The following DTX1 variants were observed in gnomAD, a reference collection of about 807,000 sequenced individuals.
DTX1 encodes deltex E3 ubiquitin ligase 1, also known as E3 ubiquitin-protein ligase DTX1.
DTX1 carries 26 observed loss-of-function variants against 57.8 expected under a neutral mutation model. The observed-to-expected ratio is 0.45, with a 90% CI of 0.33 to 0.62. DTX1 has a LOEUF of 0.62. Among genes scored for constraint, DTX1 ranks in the 20% least tolerant of loss-of-function variants. The pLI is 0.02. For synonymous variants in DTX1, 398 were observed against 394.1 expected (o/e 1.01, Z -0.12); for missense variants, 704 against 895.3 (o/e 0.79, Z 2.73).
chr12:113,064,106 AC>A (rs1019498953), intron 2 of DTX1, among the ~76,000 whole-genome samples: 33 of 152,068 alleles, frequency 2.2e-4, no homozygotes, highest in African/African-American at 6.0e-4. Flanking sequence ...AGCCTGCACT[AC>A]CCTGGAGGCC....
At chr12:113,065,366 TG>T (rs1244346183) in intron 2 of DTX1, among the ~76,000 whole-genome samples, 1 of 152,102 alleles carries the variant, frequency 6.6e-6, no homozygotes, top group African/African-American at 2.4e-5. Flanking sequence ...GGTCTGCAGC[TG>T]GGTGCGCACG....
chr12:113,059,519 C>G (rs1263174668), intron 2 of DTX1, among the ~76,000 whole-genome samples: 2 of 152,106 alleles, frequency 1.3e-5, no homozygotes, highest in Admixed American at 1.3e-4. Flanking sequence ...CAGGCCTACT[C>G]TCTTTTGTTC....
intron 2 of DTX1, among the ~76,000 whole-genome samples, chr12:113,064,124 G>A (rs55875448): frequency 0.083 from 12,694 of 152,232 alleles, 584 homozygotes; most frequent in Middle Eastern, 0.1. Flanking sequence ...GGCCTCCAGG[G>A]CTCAGCTCCT....
intron 2 of DTX1, among the ~76,000 whole-genome samples, chr12:113,069,918 A>G (rs554116206): frequency 6.6e-6 from 1 of 152,306 alleles, no homozygotes; most frequent in African/African-American, 2.4e-5. Context: ...AAGGTCACAT[A>G]GCAATCCAGG....
intron 2 of DTX1, among the ~76,000 whole-genome samples, chr12:113,063,247 G>A (rs2044678756): frequency 6.6e-6 from 1 of 152,228 alleles, no homozygotes; most frequent in East Asian, 1.9e-4. Flanking sequence ...GGGTGAGGGG[G>A]TTGGCTGCCA....
chr12:113,073,547 C>T (rs1054599812), intron 2 of DTX1, among the ~76,000 whole-genome samples: 4 of 152,190 alleles, frequency 2.6e-5, no homozygotes, highest in African/African-American at 2.4e-5. Context: ...TCTTCAACCC[C>T]GCCCCTTTCA....
At chr12:113,084,091 A>G (rs1454476755) in intron 3 of DTX1, among the ~76,000 whole-genome samples, 1 of 152,208 alleles carries the variant, frequency 6.6e-6, no homozygotes, top group Non-Finnish European at 1.5e-5. Context: ...TGGCTCATCT[A>G]GGGTCACCCA....
intron 1 of DTX1, among the ~76,000 whole-genome samples, chr12:113,057,233 G>GC (rs2044630975): frequency 6.6e-6 from 1 of 152,138 alleles, no homozygotes. Context: ...CAAGGAGGGC[G>GC]CCCCCCAGGC....
chr12:113,088,200 C>T (rs1162536088), intron 3 of DTX1, among the ~76,000 whole-genome samples: 1 of 152,246 alleles, frequency 6.6e-6, no homozygotes, highest in African/African-American at 2.4e-5. Context: ...CTCTGGGCTT[C>T]AGTCCCATCA....
intron 9 of DTX1, 75 bp from the exon 10 acceptor site, chr12:113,096,640 G>T: frequency 7.1e-7 from 1 of 1,408,788 alleles, no homozygotes; most frequent in Non-Finnish European, 9.6e-7. Flanking sequence ...GCAGGGGAGG[G>T]AGGGAGGCTG....
chr12:113,093,440 C>T lies in DTX1; in HGVS notation c.1004-99C>T. 2.4e-6 allele frequency: 2 copies of T among 826,042 alleles called. 1 individual carries two copies. The highest frequency in any genetic ancestry group is 3.7e-6 in the Non-Finnish European group (2 of 536,278). The allele number at this position is 826,042 out of a possible 1,614,324, so 51.2% of individuals were successfully genotyped here. ...GTGGGTGGGGCCCAAGAGCGCAACC[C>T]TCCCACCCACCCGAGGGCCCCGGGA... On this transcript the variant is annotated intron_variant, in intron 4 of 9. Coordinates refer to ENST00000548759, the MANE Select transcript of DTX1 (RefSeq NM_004416.3). This position sits in a 1 kb window ranked among gnomAD's most constrained non-coding sequence, Gnocchi z 4.2.
At chr12:113,090,720 G>A (rs1349283276) in intron 3 of DTX1, among the ~76,000 whole-genome samples, 1 of 152,316 alleles carries the variant, frequency 6.6e-6, no homozygotes, top group South Asian at 2.1e-4. Flanking sequence ...GGTCTGGGAT[G>A]GGAGTCCTGG....
intron 3 of DTX1, among the ~76,000 whole-genome samples, chr12:113,087,750 G>A (rs1277149544): frequency 2.0e-5 from 3 of 152,110 alleles, no homozygotes; most frequent in Non-Finnish European, 2.9e-5. Flanking sequence ...CCTGAAGGGG[G>A]CCAAGGCCAA....
chr12:113,077,944 A>G lies in DTX1; in HGVS notation c.780A>G (p.Ala260=). 9.6e-7 allele frequency: 1 copy of G among 1,045,162 alleles called. No individual in the cohort carries two copies. The highest frequency in any genetic ancestry group is 1.1e-6 in the Non-Finnish European group (1 of 870,736). 64.7% of individuals were successfully genotyped at this position (1,045,162 alleles called of 1,614,324 possible). Residue 260 remains alanine, a synonymous_variant, in exon 3 of 10, where the codon GCA becomes GCG. Coordinates refer to ENST00000548759, the MANE Select transcript of DTX1 (RefSeq NM_004416.3). This position sits in a 1 kb window ranked among gnomAD's most constrained non-coding sequence, Gnocchi z 7.8. ...CCTTCACAGGCGCCGCGCTCTGGGCAGCGCCCGCCGCCGGCCCCGCCGAGC... is the reference window on the plus strand; with the variant it reads ...CCTTCACAGGCGCCGCGCTCTGGGCGGCGCCCGCCGCCGGCCCCGCCGAGC... ...SATFTGAALW[A]APAAGPAEPA... is the part of the protein sequence containing the mutation.
intron 2 of DTX1, among the ~76,000 whole-genome samples, chr12:113,072,751 TG>T (rs915716724): frequency 6.9e-6 from 1 of 144,122 alleles, no homozygotes; most frequent in Non-Finnish European, 1.5e-5. Flanking sequence ...TCGCCCAGGC[TG>T]GAGTGCAATG....
rs142463652 is a variant in DTX1, at chr12:113,093,092, G to A, written c.942-70G>A. The A allele has an allele frequency of 1.3e-6, 2 of 1,512,504 alleles. No homozygotes were observed. The highest frequency in any genetic ancestry group is 1.8e-6 in the Non-Finnish European group (2 of 1,112,660). 93.7% of individuals were successfully genotyped at this position (1,512,504 alleles called of 1,614,324 possible). A position where few individuals can be genotyped will look rare whatever the true frequency, so the allele number is the denominator to read the frequency against. ...GTGGCCCAGGAGCCAGAGACAGAAG[G>A]CAAGCCAGGTCCCCTGACGTCGCTT... On this transcript the variant is annotated intron_variant, in intron 3 of 9. Coordinates refer to ENST00000548759, the MANE Select transcript of DTX1 (RefSeq NM_004416.3). The surrounding 1 kb of genome is among the most constrained non-coding windows in gnomAD (Gnocchi z 4.2).
At chr12:113,066,901 G>A (rs2044707086) in intron 2 of DTX1, among the ~76,000 whole-genome samples, 1 of 152,094 alleles carries the variant, frequency 6.6e-6, no homozygotes, top group Middle Eastern at 3.2e-3. Flanking sequence ...CGGGCTAGGA[G>A]CTGAGTCTCC....
In DTX1 at chr12:113,085,092, C is replaced by T. The variant is rs2044846847; in HGVS notation, c.941+6987C>T. Among the ~76,000 whole-genome samples the T allele has an allele frequency of 2.1e-5, 3 of 144,342 alleles. No individual in the cohort carries two copies. In the South Asian group the frequency reaches 6.7e-4, roughly 32 times the overall value. 94.7% of individuals were successfully genotyped at this position (144,342 alleles called of 152,430 possible). A position where few individuals can be genotyped will look rare whatever the true frequency, so the allele number is the denominator to read the frequency against. On this transcript the variant is annotated intron_variant, in intron 3 of 9. Transcript: ENST00000548759. ...TTAGATGGAGTCTCACTTTGTTGTC[C>T]AGGCTGGAGTGCAGTGGCGAGATCT... is the stretch of plus-strand genomic sequence containing the variant.
intron 2 of DTX1, among the ~76,000 whole-genome samples, chr12:113,065,487 G>GCCCTCT (rs1366315589): frequency 6.6e-6 from 1 of 152,078 alleles, no homozygotes; most frequent in Non-Finnish European, 1.5e-5. Context: ...CCCCCTCGCA[G>GCCCTCT]CCCTCTCCCT....
Sources: allele counts gnomAD v4.1 joint callset (sites outside exome capture counted in the v4.1 genomes callset), GRCh38; gene constraint gnomAD v4.1.1; non-coding constraint Gnocchi (gnomAD v3.1); transcripts MANE v1.5; gene names NCBI Gene and HGNC (gene_info 2026-07-23, HGNC 2026-07-21).